Variants in BMPR1B observed in about 807,000 individuals in gnomAD.
The protein encoded by BMPR1B is bone morphogenetic protein receptor type 1B.
In BMPR1B, 12 loss-of-function variants were observed where a neutral mutation model predicts 59.1. The observed-to-expected ratio is 0.20, with a 90% confidence interval of 0.13 to 0.33. The LOEUF is 0.33. Among genes scored for constraint, BMPR1B ranks in the 10% least tolerant of loss-of-function variants. The probability of loss-of-function intolerance (pLI) is 1.00; values close to 1 mark genes in which losing one functional copy is unlikely to be tolerated. For missense variants in BMPR1B, 550 were observed against 610.9 expected (o/e 0.90, Z 1.05); for synonymous variants, 237 against 207.3 (o/e 1.14, Z -1.23).
At chr4:94,824,509 A>G (rs1724315560) in intron 1 of BMPR1B, among the ~76,000 whole-genome samples, 1 of 152,218 alleles carries the variant, frequency 6.6e-6, no homozygotes, top group Admixed American at 6.5e-5. Flanking sequence ...GTGTATCCTT[A>G]TGCTATTTGA....
chr4:94,763,895 A>G (rs1323643115), intron 1 of BMPR1B, among the ~76,000 whole-genome samples: 1 of 152,160 alleles, frequency 6.6e-6, no homozygotes, highest in African/African-American at 2.4e-5. Flanking sequence ...TCCAATACAC[A>G]TTTAGCCATG....
intron 1 of BMPR1B, among the ~76,000 whole-genome samples, chr4:94,804,168 A>G (rs992930742): frequency 6.6e-6 from 1 of 152,160 alleles, no homozygotes; most frequent in African/African-American, 2.4e-5. Flanking sequence ...GTGAGCCACC[A>G]CACCTAGCTA....
intron 1 of BMPR1B, among the ~76,000 whole-genome samples, chr4:94,840,245 G>C (rs1379007081): frequency 3.9e-4 from 57 of 146,904 alleles, no homozygotes; most frequent in Non-Finnish European, 7.9e-4. Context: ...GTGTCTTGGA[G>C]TTGCTCTTCT....
rs1560700164 is a variant in BMPR1B at position 95,156,389 on chromosome 4, A to G, written c.*1716A>G. 1.3e-5 allele frequency: 2 copies of G among 150,530 alleles called. No homozygotes were observed. Among genetic ancestry groups the G allele is most frequent in the Non-Finnish European group, 3.0e-5 (2 of 67,758 alleles). 9.3% of individuals were successfully genotyped at this position (150,530 alleles called of 1,614,324 possible). Reference sequence around the variant, plus strand: ...CAGTGTTTTATAACACATTTTCCCCACTGGGTGATTGAAGGATGGAGGATT... The same window carrying G: ...CAGTGTTTTATAACACATTTTCCCCGCTGGGTGATTGAAGGATGGAGGATT... On this transcript the variant is annotated 3_prime_UTR_variant, in exon 13 of 13. Coordinates refer to ENST00000515059, the MANE Select transcript of BMPR1B (RefSeq NM_001203.3).
intron 5 of BMPR1B, 81 bp from the exon 6 acceptor site, chr4:95,115,604 G>A (rs934128195): frequency 2.6e-6 from 3 of 1,162,184 alleles, no homozygotes; most frequent in Non-Finnish European, 2.6e-6. Flanking sequence ...TCTCTAAATA[G>A]TGACTATTTT....
At chr4:94,930,600 T>C (rs1011805360) in intron 2 of BMPR1B, among the ~76,000 whole-genome samples, 2 of 152,106 alleles carry the variant, frequency 1.3e-5, no homozygotes, top group African/African-American at 4.8e-5. Context: ...GATTAATGAA[T>C]AACCAAACTA....
In BMPR1B at chr4:94,790,418, C is replaced by G. The variant is rs186501455; in HGVS notation, c.-183+32350C>G. ...AATAAGTACTGAGTTTGGGGGATAC[C>G]TTGCTGGGTGGGGTGTTGGGGTTCT... On this transcript the variant is annotated intron_variant, in intron 1 of 12. Coordinates refer to ENST00000515059, the MANE Select transcript of BMPR1B (RefSeq NM_001203.3). Among the ~76,000 whole-genome samples the G allele has an allele frequency of 8.8e-3, 1,344 of 152,134 alleles. 22 individuals carry two copies. The highest frequency in any genetic ancestry group is 0.031 in the African/African-American group (1,289 of 41,492).
At chr4:94,980,624 C>T (rs911468737) in intron 2 of BMPR1B, among the ~76,000 whole-genome samples, 2 of 152,092 alleles carry the variant, frequency 1.3e-5, no homozygotes, top group Non-Finnish European at 2.9e-5. Flanking sequence ...TGTGTGCGTG[C>T]ATTCTGTGAG....
intron 3 of BMPR1B, among the ~76,000 whole-genome samples, chr4:95,056,564 A>G (rs145195329): frequency 8.3e-4 from 127 of 152,284 alleles, no homozygotes; most frequent in African/African-American, 2.7e-3. Flanking sequence ...CTCCTTGTCT[A>G]TGTCTGTCTC....
At chr4:94,955,598 A>G (rs961653884) in intron 2 of BMPR1B, among the ~76,000 whole-genome samples, 14 of 151,942 alleles carry the variant, frequency 9.2e-5, no homozygotes, top group African/African-American at 3.4e-4. Flanking sequence ...TATGCTAGGC[A>G]TTGTTCCTCA....
intron 2 of BMPR1B, among the ~76,000 whole-genome samples, chr4:94,903,147 T>G (rs928805773): frequency 6.6e-6 from 1 of 152,084 alleles, no homozygotes; most frequent in African/African-American, 2.4e-5. Context: ...ATTAATTAGA[T>G]GCTTCTATAT....
In BMPR1B at chr4:94,806,818, G is replaced by A. The variant is rs146259009; in HGVS notation, c.-183+48750G>A. 2.9e-4 allele frequency among the ~76,000 whole-genome samples: 44 copies of A among 152,138 alleles called. 1 individual carries two copies. In the East Asian group the frequency reaches 4.6e-3, roughly 16 times the overall value. On this transcript the variant is annotated intron_variant, in intron 1 of 12. Coordinates refer to ENST00000515059, the MANE Select transcript of BMPR1B (RefSeq NM_001203.3). ...TACTTATTTTAAATAATTATTTGCT[G>A]TTTATTTGAAATTCAAATTTAACTG...
At chr4:94,976,155 C>T (rs558847380) in intron 2 of BMPR1B, among the ~76,000 whole-genome samples, 1 of 152,248 alleles carries the variant, frequency 6.6e-6, no homozygotes, top group East Asian at 1.9e-4. Context: ...CCGTGTGGTC[C>T]CTTCACATGG....
intron 3 of BMPR1B, among the ~76,000 whole-genome samples, chr4:95,038,730 T>G (rs1398256139): frequency 6.6e-6 from 1 of 152,226 alleles, no homozygotes; most frequent in African/African-American, 2.4e-5. Flanking sequence ...GCTTCTCTTT[T>G]TTTCTTCACA....
chr4:94,798,489 G>C (rs528634680), intron 1 of BMPR1B, among the ~76,000 whole-genome samples: 9 of 152,278 alleles, frequency 5.9e-5, no homozygotes, highest in African/African-American at 1.9e-4. Context: ...TTTCACTTAA[G>C]ACCACCACAT....
At chr4:94,944,172 T>C (rs934229349) in intron 2 of BMPR1B, among the ~76,000 whole-genome samples, 2 of 152,118 alleles carry the variant, frequency 1.3e-5, no homozygotes, top group Admixed American at 6.5e-5. Flanking sequence ...TATTTGCAAA[T>C]TTTCCAAAAT....
chr4:95,050,485 T>C (rs1471131205), intron 3 of BMPR1B, among the ~76,000 whole-genome samples: 2 of 152,078 alleles, frequency 1.3e-5, no homozygotes, highest in Admixed American at 1.3e-4. Flanking sequence ...AAAAAAACAT[T>C]GTTGGGTTTC....
intron 2 of BMPR1B, among the ~76,000 whole-genome samples, chr4:94,972,624 C>A (rs1014714274): frequency 7.4e-5 from 11 of 148,250 alleles, no homozygotes; most frequent in African/African-American, 2.6e-4. Flanking sequence ...TAGGTTTCTT[C>A]CATTTTTTTT....
chr4:94,999,608 C>T (rs1272440509), intron 3 of BMPR1B, among the ~76,000 whole-genome samples: 2 of 152,144 alleles, frequency 1.3e-5, no homozygotes, highest in African/African-American at 4.8e-5. Context: ...CAGCTAGTTG[C>T]TGTGGCCGTG....
Sources: gnomAD v4.1 joint callset for allele counts (sites outside exome capture counted in the v4.1 genomes callset) on GRCh38, gnomAD v4.1.1 for gene constraint, MANE v1.5 for transcripts, NCBI Gene and HGNC (gene_info 2026-07-23, HGNC 2026-07-21) for gene names.